Variants in TRPC1 observed in about 807,000 individuals in gnomAD.
The protein encoded by TRPC1 is short transient receptor potential channel 1.
A neutral mutation model predicts 88.2 loss-of-function variants in TRPC1; 42 were observed. The observed-to-expected ratio is 0.48, with a 90% CI of 0.37 to 0.62. TRPC1 has a LOEUF of 0.62. Ranked by LOEUF, TRPC1 falls within the 20% of genes least tolerant of loss-of-function variation. TRPC1 has a pLI of 0.00. For synonymous variants in TRPC1, 288 were observed against 331.8 expected (o/e 0.87, Z 1.43); for missense variants, 699 against 957.3 (o/e 0.73, Z 3.56).
At chr3:142,788,733 GTTA>G (rs1217171208) in intron 7 of TRPC1, among the ~76,000 whole-genome samples, 2 of 151,988 alleles carry the variant, frequency 1.3e-5, no homozygotes, top group African/African-American at 4.8e-5. Flanking sequence ...GCCTTCTAAT[GTTA>G]TTATTAACAT....
At chr3:142,779,207 A>G (rs562059335) in intron 5 of TRPC1, among the ~76,000 whole-genome samples, 7 of 152,200 alleles carry the variant, frequency 4.6e-5, no homozygotes, top group Non-Finnish European at 1.0e-4. Context: ...TTTTATAGAC[A>G]GGGGAGGAGA....
In TRPC1 at chr3:142,806,164, T is replaced by C; in HGVS notation, c.2311T>C (p.Phe771Leu). 6.2e-7 allele frequency: 1 copy of C among 1,613,780 alleles called. No homozygotes were observed. The highest frequency in any genetic ancestry group is 8.5e-7 in the Non-Finnish European group (1 of 1,179,788). ...LNELRQDLSK[F>L]RNEIRDLLGF... Reference sequence around the variant, plus strand: ...CGAACTGCGCCAAGATCTGTCAAAATTCCGAAATGAAATAAGGGATTTACT... The same window carrying C: ...CGAACTGCGCCAAGATCTGTCAAAACTCCGAAATGAAATAAGGGATTTACT... The change falls in exon 13 of 13, where the codon TTC (phenylalanine) becomes CTC (leucine). Residue 771 changes from phenylalanine to leucine, a missense_variant. Physicochemically the swap from Phe to Leu is conservative, Grantham distance 22 (BLOSUM62 0). Transcript: ENST00000476941.
chr3:142,739,491 C>T (rs1423646240), intron 2 of TRPC1, among the ~76,000 whole-genome samples: 1 of 152,060 alleles, frequency 6.6e-6, no homozygotes, highest in Non-Finnish European at 1.5e-5. Flanking sequence ...GAGCCATGTG[C>T]AATGTATATT....
In TRPC1 at chr3:142,792,404, A is replaced by G. The variant is rs188195141; in HGVS notation, c.1438-420A>G. 5.2e-3 allele frequency among the ~76,000 whole-genome samples: 785 copies of G among 152,052 alleles called. 4 individuals are homozygous for G. Among genetic ancestry groups the G allele is most frequent in the Non-Finnish European group, 9.2e-3 (627 of 67,910 alleles). ...AATAATGCCCTCTTTTTTATTTTGTATTTAAAAGGGGGGAAAAAAACTCTG... is the reference window on the plus strand; with the variant it reads ...AATAATGCCCTCTTTTTTATTTTGTGTTTAAAAGGGGGGAAAAAAACTCTG... On this transcript the variant is annotated intron_variant, in intron 8 of 12. Transcript: ENST00000476941. The surrounding 1 kb of genome is among the most constrained non-coding windows in gnomAD (Gnocchi z 4.0).
rs759725115 is a variant in TRPC1 at position 142,748,331 on chromosome 3, A to G, written c.503A>G (p.His168Arg). ...MDVAPVILAA[H>R]RNNYEILTML... Reference sequence around the variant, plus strand: ...GTTGCACCTGTCATTTTAGCTGCTCATCGTAACAACTATGAAATTCTTACA... The same window carrying G: ...GTTGCACCTGTCATTTTAGCTGCTCGTCGTAACAACTATGAAATTCTTACA... Residue 168 changes from histidine to arginine, a missense_variant, in exon 4 of 13, where the codon CAT becomes CGT. Transcript: ENST00000476941. The G allele has an allele frequency of 2.5e-6, 4 of 1,614,128 alleles. No homozygotes were observed. The highest frequency in any genetic ancestry group is 3.4e-6 in the Non-Finnish European group (4 of 1,179,960).
chr3:142,745,982 C>T lies in TRPC1; in HGVS notation c.430-2276C>T, dbSNP rs1188173353. On this transcript the variant is annotated intron_variant, in intron 3 of 12. Coordinates refer to ENST00000476941, the MANE Select transcript of TRPC1 (RefSeq NM_001251845.2). The stretch of plus-strand genomic sequence containing the variant: ...ATGTTGGCCAGTCTGGTCTGGAACT[C>T]TTGACCTAAGGTGATCTACCCTTCT... 5.9e-5 allele frequency among the ~76,000 whole-genome samples: 9 copies of T among 152,132 alleles called. No individual in the cohort carries two copies. The East Asian group carries it at 1.7e-3, about 29-fold the overall frequency.
intron 9 of TRPC1, among the ~76,000 whole-genome samples, chr3:142,797,230 T>C (rs1936482496): frequency 6.6e-6 from 1 of 151,672 alleles, no homozygotes; most frequent in South Asian, 2.1e-4. Flanking sequence ...CAAATATTAA[T>C]CCCTTTTCTT....
At chr3:142,729,108 G>A (rs1299924484) in intron 1 of TRPC1, among the ~76,000 whole-genome samples, 8 of 152,152 alleles carry the variant, frequency 5.3e-5, no homozygotes, top group Admixed American at 5.2e-4. Flanking sequence ...TTGCCATGGC[G>A]AACGGTTCAG....
At chr3:142,730,260 A>G (rs1216234144) in intron 1 of TRPC1, among the ~76,000 whole-genome samples, 1 of 152,142 alleles carries the variant, frequency 6.6e-6, no homozygotes, top group African/African-American at 2.4e-5. Context: ...TATAATTTTT[A>G]TCAACTGATT....
chr3:142,748,998 G>A (rs1358487572), intron 4 of TRPC1, among the ~76,000 whole-genome samples: 2 of 152,160 alleles, frequency 1.3e-5, no homozygotes, highest in South Asian at 2.1e-4. Flanking sequence ...AAGATCACAC[G>A]TGGGCATGCT....
Position 142,806,384 on chromosome 3 carries a change from T to C in TRPC1, c.*149T>C. ...AAAATATTTATAGCATAAATATATG[T>C]TATGTAAAGTGTGTATATAGAATTA... On this transcript the variant is annotated 3_prime_UTR_variant, in exon 13 of 13. Transcript: ENST00000476941. The C allele has an allele frequency of 2.9e-6, 2 of 700,596 alleles. No homozygotes were observed. The highest frequency in any genetic ancestry group is 4.5e-6 in the Non-Finnish European group (2 of 441,068). 43.4% of individuals were successfully genotyped at this position (700,596 alleles called of 1,614,324 possible).
intron 6 of TRPC1, among the ~76,000 whole-genome samples, chr3:142,782,408 CTCAA>C (rs1935990452): frequency 6.6e-6 from 1 of 151,922 alleles, no homozygotes. Context: ...AAGATATTTT[CTCAA>C]ATAGTTGGTA....
At chr3:142,755,360 G>A (rs981777631) in intron 4 of TRPC1, among the ~76,000 whole-genome samples, 12 of 152,302 alleles carry the variant, frequency 7.9e-5, no homozygotes, top group African/African-American at 2.9e-4. Context: ...GGGAGGCAGA[G>A]GTTGCGGTGA....
chr3:142,777,401 G>C (rs1311709901), intron 4 of TRPC1, among the ~76,000 whole-genome samples: 1 of 152,064 alleles, frequency 6.6e-6, no homozygotes. Context: ...TATGAAAAGA[G>C]ACAGTAAAAA....
chr3:142,800,428 G>C (rs1936583705), intron 9 of TRPC1, among the ~76,000 whole-genome samples: 1 of 152,068 alleles, frequency 6.6e-6, no homozygotes, highest in East Asian at 1.9e-4. Context: ...TTAAGTAGCT[G>C]GTCCACTTTA....
chr3:142,762,812 A>G (rs1486882599), intron 4 of TRPC1, among the ~76,000 whole-genome samples: 15 of 152,156 alleles, frequency 9.9e-5, no homozygotes, highest in Non-Finnish European at 1.9e-4. Context: ...ATTTATTGCT[A>G]TAACCTTCCC....
chr3:142,725,911 G>A (rs1408816340), intron 1 of TRPC1, among the ~76,000 whole-genome samples: 1 of 152,022 alleles, frequency 6.6e-6, no homozygotes, highest in Non-Finnish European at 1.5e-5. Context: ...TATGTCTGTG[G>A]TTGAGCCATT....
At chr3:142,783,554 T>A (rs1159844600) in intron 6 of TRPC1, among the ~76,000 whole-genome samples, 1 of 152,226 alleles carries the variant, frequency 6.6e-6, no homozygotes, top group Non-Finnish European at 1.5e-5. Flanking sequence ...CAAGTTTTGC[T>A]TATTTGGAAC....
chr3:142,805,559 T>C (rs987960013), intron 12 of TRPC1, among the ~76,000 whole-genome samples: 8 of 152,160 alleles, frequency 5.3e-5, no homozygotes, highest in Non-Finnish European at 5.9e-5. Flanking sequence ...ATAACAGTAA[T>C]AACTTTTTAA....
Sources: gnomAD v4.1 joint callset for allele counts (sites outside exome capture counted in the v4.1 genomes callset) on GRCh38, gnomAD v4.1.1 for gene constraint, Gnocchi (gnomAD v3.1) non-coding constraint, MANE v1.5 for transcripts, NCBI Gene and HGNC (gene_info 2026-07-23, HGNC 2026-07-21) for gene names.